The following DIAPH3 variants were observed in gnomAD, a reference collection of about 807,000 sequenced individuals.
The protein encoded by DIAPH3 is diaphanous related formin 3.
In DIAPH3, 117 loss-of-function variants were observed where a neutral mutation model predicts 144.3. That is an observed-to-expected ratio of 0.81 (90% CI 0.70 to 0.95). The LOEUF (loss-of-function observed/expected upper bound fraction) is 0.95, where lower values mean the gene tolerates loss of function less well. DIAPH3 is among the 40% of genes least tolerant of loss of function. DIAPH3 has a pLI of 0.00. For synonymous variants in DIAPH3, 519 were observed against 488.9 expected, an observed-to-expected ratio of 1.06 and a Z score of -0.81; for missense variants, 1,421 against 1,412.7, an observed-to-expected ratio of 1.01 and a Z score of -0.09.
intron 20 of DIAPH3, among the ~76,000 whole-genome samples, chr13:59,900,153 A>T (rs2046351797): frequency 6.6e-6 from 1 of 152,284 alleles, no homozygotes; most frequent in East Asian, 1.9e-4. Flanking sequence ...TTTGATGGAG[A>T]TTTGAACTAA....
intron 2 of DIAPH3, among the ~76,000 whole-genome samples, chr13:60,129,039 G>A (rs2059067993): frequency 6.6e-6 from 1 of 152,122 alleles, no homozygotes; most frequent in Non-Finnish European, 1.5e-5. Flanking sequence ...GATGAACAAA[G>A]AGATGAGGAT....
At chr13:59,799,126 T>C (rs1235053500) in intron 25 of DIAPH3, among the ~76,000 whole-genome samples, 2 of 152,008 alleles carry the variant, frequency 1.3e-5, no homozygotes, top group African/African-American at 4.8e-5. Context: ...AGAAATCCAA[T>C]TGTTCTATTT....
intron 21 of DIAPH3, among the ~76,000 whole-genome samples, chr13:59,866,222 G>T (rs1486461334): frequency 6.6e-6 from 1 of 151,830 alleles, no homozygotes; most frequent in Non-Finnish European, 1.5e-5. Context: ...CATGTTAAGT[G>T]CTTAAAACAT....
intron 21 of DIAPH3, among the ~76,000 whole-genome samples, chr13:59,862,872 AT>A (rs2043682269): frequency 6.6e-6 from 1 of 152,228 alleles, no homozygotes; most frequent in East Asian, 1.9e-4. Flanking sequence ...CAAGTAAGAC[AT>A]TTTTGCTCTC....
chr13:60,115,462 A>G (rs2058679240), intron 2 of DIAPH3, among the ~76,000 whole-genome samples: 1 of 152,212 alleles, frequency 6.6e-6, no homozygotes, highest in South Asian at 2.1e-4. Context: ...GTGACATTTT[A>G]AGTAGATACT....
At chr13:59,952,732 A>G (rs1024888068) in intron 17 of DIAPH3, among the ~76,000 whole-genome samples, 1 of 152,192 alleles carries the variant, frequency 6.6e-6, no homozygotes, top group Non-Finnish European at 1.5e-5. Context: ...AATCTAGATC[A>G]TTTAAATATT....
At chr13:60,009,664 C>A (rs1281884956) in intron 8 of DIAPH3, among the ~76,000 whole-genome samples, 1 of 152,162 alleles carries the variant, frequency 6.6e-6, no homozygotes, top group East Asian at 1.9e-4. Flanking sequence ...ACTGTAGGCA[C>A]ACTTTGCGGG....
chr13:59,697,983 A>T (rs237067), intron 27 of DIAPH3, among the ~76,000 whole-genome samples: 4,073 of 152,334 alleles, frequency 0.027, 84 homozygotes, highest in Non-Finnish European at 0.039. Flanking sequence ...AGAAGTAAAT[A>T]ACACTCCTGG....
chr13:59,796,489 C>T (rs1039743802), intron 25 of DIAPH3, among the ~76,000 whole-genome samples: 3 of 152,192 alleles, frequency 2.0e-5, no homozygotes, highest in Admixed American at 6.5e-5. Flanking sequence ...TATAGTAAGA[C>T]ATTTTCATTT....
At chr13:60,149,587 T>C (rs2138384699) in intron 1 of DIAPH3, among the ~76,000 whole-genome samples, 1 of 151,964 alleles carries the variant, frequency 6.6e-6, no homozygotes. Context: ...CCTGTCTCTA[T>C]AAAATATAAA....
At position 59,788,839 on chromosome 13, in the gene DIAPH3, C is replaced by T. The variant is rs1003134537; in HGVS notation, c.3164-14016G>A. 3.3e-5 allele frequency among the ~76,000 whole-genome samples: 5 copies of T among 152,130 alleles called. No individual in the cohort carries two copies. The South Asian group carries it at 6.2e-4, about 19-fold the overall frequency. On this transcript the variant is annotated intron_variant, in intron 25 of 27. Coordinates refer to ENST00000400324, the MANE Select transcript of DIAPH3 (RefSeq NM_001042517.2). ...ACTACAGAGCCAGCAATGGGTTTTA[C>T]GACTTCCAGCAGCTTAGCAATTATT...
chr13:59,713,958 G>C (rs866033929), intron 27 of DIAPH3, among the ~76,000 whole-genome samples: 1 of 152,368 alleles, frequency 6.6e-6, no homozygotes, highest in South Asian at 2.1e-4. Context: ...GCTCATGCCT[G>C]TAATTCCAGT....
At chr13:60,138,678 A>G (rs1181064799) in intron 1 of DIAPH3, among the ~76,000 whole-genome samples, 1 of 152,156 alleles carries the variant, frequency 6.6e-6, no homozygotes, top group Non-Finnish European at 1.5e-5. Context: ...AGTATTAAAG[A>G]TTGTTCATTG....
chr13:59,888,116 T>C (rs997362231), intron 20 of DIAPH3, among the ~76,000 whole-genome samples: 1 of 152,076 alleles, frequency 6.6e-6, no homozygotes, highest in African/African-American at 2.4e-5. Context: ...CCACCAAACA[T>C]AAATGTTGAG....
intron 24 of DIAPH3, among the ~76,000 whole-genome samples, chr13:59,817,044 T>G (rs2040812343): frequency 6.6e-6 from 1 of 151,856 alleles, no homozygotes; most frequent in South Asian, 2.1e-4. Context: ...ATCCTTTTAA[T>G]TTTATTTCTA....
At chr13:59,874,402 C>T (rs1253350000) in intron 21 of DIAPH3, among the ~76,000 whole-genome samples, 1 of 152,164 alleles carries the variant, frequency 6.6e-6, no homozygotes, top group East Asian at 1.9e-4. Context: ...TTATCTCCAT[C>T]ACAGCTCTGA....
At chr13:59,833,040 G>T in intron 24 of DIAPH3, 67 bp downstream of exon 24, 2 of 1,173,348 alleles carry the variant, frequency 1.7e-6, no homozygotes, top group African/African-American at 1.5e-5. Context: ...GTAGAACGAT[G>T]TAATGAGATA....
chr13:60,015,101 C>T (rs893240399), intron 7 of DIAPH3, among the ~76,000 whole-genome samples: 1 of 151,990 alleles, frequency 6.6e-6, no homozygotes, highest in African/African-American at 2.4e-5. Context: ...GCTCAAGCCA[C>T]CCTTTCATCT....
intron 17 of DIAPH3, among the ~76,000 whole-genome samples, chr13:59,928,276 A>C (rs1381275712): frequency 6.6e-6 from 1 of 151,892 alleles, no homozygotes; most frequent in African/African-American, 2.4e-5. Context: ...TCTCATTCTA[A>C]TCAATTGTTT....
Sources: allele counts gnomAD v4.1 joint callset (sites outside exome capture counted in the v4.1 genomes callset), GRCh38; gene constraint gnomAD v4.1.1; transcripts MANE v1.5; gene names NCBI Gene and HGNC (gene_info 2026-07-23, HGNC 2026-07-21).